KCNIP3: variants seen among roughly 807,000 people sequenced by gnomAD.
KCNIP3 encodes the protein potassium voltage-gated channel interacting protein 3, also known as calsenilin.
Under a neutral mutation model 35.0 loss-of-function variants are expected in KCNIP3, and 28 were observed. The ratio of observed to expected loss-of-function variants is 0.80; its 90% CI spans 0.59 to 1.10. KCNIP3 has a LOEUF of 1.10. Among genes scored for constraint, KCNIP3 ranks in the 50% least tolerant of loss-of-function variants. KCNIP3 has a pLI of 0.00. For missense variants in KCNIP3, 295 were observed against 338.4 expected, an observed-to-expected ratio of 0.87 and a Z score of 1.01; for synonymous variants, 134 against 133.8, an observed-to-expected ratio of 1.00 and a Z score of -0.01.
At chr2:95,360,203 A>AT (rs1679758122) in intron 2 of KCNIP3, among the ~76,000 whole-genome samples, 1 of 152,066 alleles carries the variant, frequency 6.6e-6, no homozygotes. Flanking sequence ...AAAAAAAAAA[A>AT]AAAAAAATTC....
chr2:95,347,176 G>A, intron 2 of KCNIP3: 2 of 1,462,242 alleles, frequency 1.4e-6, no homozygotes, highest in Non-Finnish European at 1.9e-6. Flanking sequence ...CAGTGGTCTG[G>A]AGGGAGGGAC....
intron 1 of KCNIP3, 48 bp downstream of exon 1, chr2:95,297,501 A>C (rs1398506259): frequency 2.9e-6 from 2 of 682,478 alleles, no homozygotes; most frequent in African/African-American, 3.2e-5. Flanking sequence ...GGTCGGGGGG[A>C]GGAATGGAGG....
chr2:95,375,660 C>T (rs1680166265), intron 5 of KCNIP3, among the ~76,000 whole-genome samples: 1 of 152,178 alleles, frequency 6.6e-6, no homozygotes, highest in Non-Finnish European at 1.5e-5. Context: ...GCCTCCAGGG[C>T]TCATCCCAGC....
chr2:95,325,959 A>G (rs1049606175), intron 2 of KCNIP3, among the ~76,000 whole-genome samples: 1 of 150,262 alleles, frequency 6.7e-6, no homozygotes, highest in Non-Finnish European at 1.5e-5. Flanking sequence ...ACACATACAC[A>G]CACTCATAGG....
intron 2 of KCNIP3, among the ~76,000 whole-genome samples, chr2:95,351,203 G>A (rs181994039): frequency 7.7e-4 from 117 of 152,352 alleles, no homozygotes; most frequent in African/African-American, 2.6e-3. Context: ...GTGGACCTCC[G>A]CAAGGACATT....
intron 2 of KCNIP3, among the ~76,000 whole-genome samples, chr2:95,326,866 G>A (rs933018411): frequency 2.6e-5 from 4 of 152,168 alleles, no homozygotes; most frequent in Admixed American, 6.5e-5. Flanking sequence ...AACTCCCCTC[G>A]CCCTGCCCTT....
intron 2 of KCNIP3, chr2:95,368,407 G>A (rs1306886249): frequency 6.3e-6 from 1 of 158,962 alleles, no homozygotes; most frequent in East Asian, 1.7e-4. Flanking sequence ...AGGGATAAAA[G>A]ACTATAAATT....
At chr2:95,383,086 C>CAGGGGACAAGTTAGAGTGG (rs1212527079) in intron 7 of KCNIP3, 146 bp from the exon 8 acceptor site, 11 of 717,220 alleles carry the variant, frequency 1.5e-5, no homozygotes, top group Non-Finnish European at 2.7e-5. Context: ...AGAGTAGTCA[C>CAGGGGACAAGTTAGAGTGG]AGGGGACAAG....
intron 2 of KCNIP3, chr2:95,313,885 C>T (rs1276908879): frequency 2.6e-5 from 4 of 152,134 alleles, no homozygotes; most frequent in East Asian, 1.9e-4. Context: ...AGCTGCTGCA[C>T]GCTTCTGTGT....
intron 2 of KCNIP3, among the ~76,000 whole-genome samples, chr2:95,368,197 C>T (rs558517950): frequency 2.0e-5 from 3 of 152,302 alleles, no homozygotes; most frequent in East Asian, 3.9e-4. Flanking sequence ...AATTAGTGAT[C>T]AGCTGTACTG....
intron 2 of KCNIP3, among the ~76,000 whole-genome samples, chr2:95,333,438 A>G (rs755265676): frequency 6.6e-6 from 1 of 152,238 alleles, no homozygotes; most frequent in African/African-American, 2.4e-5. Flanking sequence ...TGCGGGAAAC[A>G]GACTGCCCTG....
At chr2:95,357,595 C>T (rs1679685194) in intron 2 of KCNIP3, among the ~76,000 whole-genome samples, 1 of 152,176 alleles carries the variant, frequency 6.6e-6, no homozygotes. Context: ...CCTTCCTGCC[C>T]AGTGCTCAGT....
intron 1 of KCNIP3, among the ~76,000 whole-genome samples, chr2:95,301,013 G>A (rs972059228): frequency 3.3e-5 from 5 of 152,246 alleles, no homozygotes; most frequent in Admixed American, 1.3e-4. Flanking sequence ...TGCCAGGGTA[G>A]GCAAGGGACA....
chr2:95,308,378 G>A (rs1370537557), intron 1 of KCNIP3, among the ~76,000 whole-genome samples: 2 of 152,218 alleles, frequency 1.3e-5, no homozygotes, highest in African/African-American at 4.8e-5. Context: ...TGGAGGACTG[G>A]TAGTTGGGAC....
intron 2 of KCNIP3, among the ~76,000 whole-genome samples, chr2:95,346,525 C>T (rs1490770401): frequency 6.7e-6 from 1 of 148,532 alleles, no homozygotes; most frequent in Non-Finnish European, 1.5e-5. Context: ...GTGGCCGCCG[C>T]GCCTAGGCCA....
At chr2:95,325,905 TCACTCATACACATACA>T (rs1460644016) in intron 2 of KCNIP3, among the ~76,000 whole-genome samples, 12 of 127,322 alleles carry the variant, frequency 9.4e-5, no homozygotes, top group South Asian at 8.0e-4. Context: ...AGACACACAT[TCACTCATACACATACA>T]CACTCATACA....
At chr2:95,312,951 T>A (rs1400752314) in intron 2 of KCNIP3, 1 of 152,366 alleles carries the variant, frequency 6.6e-6, no homozygotes, top group Non-Finnish European at 1.5e-5. Context: ...GCTGGTGTGG[T>A]CACACTGAGG....
intron 5 of KCNIP3, among the ~76,000 whole-genome samples, chr2:95,379,428 C>A (rs370977012): frequency 2.6e-5 from 4 of 151,400 alleles, no homozygotes; most frequent in East Asian, 2.0e-4. Flanking sequence ...GAGGCCCCCC[C>A]ACCAGCCTCC....
chr2:95,298,676 C>T (rs1228364733), intron 1 of KCNIP3: 1 of 152,284 alleles, frequency 6.6e-6, no homozygotes, highest in African/African-American at 2.4e-5. Context: ...TCTGCTCCAT[C>T]TTCCAGGGTG....
Sources: allele counts gnomAD v4.1 joint callset (sites outside exome capture counted in the v4.1 genomes callset), GRCh38; gene constraint gnomAD v4.1.1; transcripts MANE v1.5; gene names NCBI Gene and HGNC (gene_info 2026-07-23, HGNC 2026-07-21).